LGSN: variants seen among roughly 807,000 people sequenced by gnomAD.
The protein encoded by LGSN is lengsin.
LGSN carries 21 observed loss-of-function variants against 19.5 expected under a neutral mutation model. The observed-to-expected ratio is 1.07, with a 90% CI of 0.76 to 1.55. The LOEUF is 1.55. Among genes scored for constraint, LGSN ranks in the 40% most tolerant of loss-of-function variants. The pLI is 0.00. For synonymous variants in LGSN, 257 were observed against 215.6 expected (o/e 1.19, Z -1.68); for missense variants, 673 against 608.5 (o/e 1.11, Z -1.12).
At chr6:63,478,686 C>T in the LGSN span, among the ~76,000 whole-genome samples, 1 of 152,168 alleles carries the variant, frequency 6.6e-6, no homozygotes, top group South Asian at 2.1e-4. Flanking sequence ...TCATCCTACT[C>T]TAAAGATTCA....
At chr6:63,333,549 AAAAG>A in the LGSN span, among the ~76,000 whole-genome samples, 23 of 146,430 alleles carry the variant, frequency 1.6e-4, no homozygotes, top group Non-Finnish European at 2.4e-4. Context: ...GAAAGAAAGA[AAAAG>A]AAAGGAAGGA....
At chr6:63,322,044 A>C (rs1204964810), upstream of LGSN, among the ~76,000 whole-genome samples, 2 of 152,230 alleles carry the variant, frequency 1.3e-5, no homozygotes, top group African/African-American at 4.8e-5. Context: ...TTTCATGAGA[A>C]CAGATTGCAG....
the LGSN span, among the ~76,000 whole-genome samples, chr6:63,383,280 T>A: frequency 6.6e-6 from 1 of 151,816 alleles, no homozygotes; most frequent in African/African-American, 2.4e-5. Context: ...GATTTTTTTT[T>A]TAAAACTTTC....
At chr6:63,415,801 A>G in the LGSN span, among the ~76,000 whole-genome samples, 10 of 152,120 alleles carry the variant, frequency 6.6e-5, no homozygotes, top group African/African-American at 2.2e-4. Flanking sequence ...TTGTTGATGC[A>G]TTTTACTTTG....
the LGSN span, among the ~76,000 whole-genome samples, chr6:63,358,234 A>T: frequency 5.1e-4 from 78 of 152,328 alleles, 1 homozygote; most frequent in East Asian, 7.5e-3. Context: ...TGGTTACTGT[A>T]GCCTTGTAGT....
chr6:63,357,908 A>G, the LGSN span, among the ~76,000 whole-genome samples: 1 of 152,070 alleles, frequency 6.6e-6, no homozygotes, highest in Non-Finnish European at 1.5e-5. Flanking sequence ...GTCCTTGCCC[A>G]TGCCTATGTC....
chr6:63,510,244 A>T, the LGSN span, among the ~76,000 whole-genome samples: 1 of 152,120 alleles, frequency 6.6e-6, no homozygotes, highest in Non-Finnish European at 1.5e-5. Flanking sequence ...AACTGCTCTA[A>T]ATCATGCTTG....
chr6:63,388,979 G>A, the LGSN span, among the ~76,000 whole-genome samples: 178 of 152,282 alleles, frequency 1.2e-3, 2 homozygotes, highest in Non-Finnish European at 2.4e-3. Context: ...TGCACAGAAA[G>A]TAGTAACTCC....
intron 1 of LGSN, among the ~76,000 whole-genome samples, chr6:63,297,143 C>A (rs970628199): frequency 1.3e-5 from 2 of 151,938 alleles, no homozygotes; most frequent in South Asian, 4.2e-4. Context: ...AGATCGAGAC[C>A]AGCCTGGTCA....
the LGSN span, among the ~76,000 whole-genome samples, chr6:63,452,920 G>A: frequency 6.7e-6 from 1 of 150,228 alleles, no homozygotes; most frequent in African/African-American, 2.5e-5. Context: ...TTGAATATAT[G>A]CATTTAATGT....
the LGSN span, among the ~76,000 whole-genome samples, chr6:63,526,638 T>C: frequency 6.6e-6 from 1 of 151,418 alleles, no homozygotes; most frequent in Non-Finnish European, 1.5e-5. Flanking sequence ...TGAAACCCTG[T>C]CTCTACTAAA....
At chr6:63,444,448 T>C in the LGSN span, among the ~76,000 whole-genome samples, 1 of 152,178 alleles carries the variant, frequency 6.6e-6, no homozygotes, top group Non-Finnish European at 1.5e-5. Flanking sequence ...ACACAAGTGG[T>C]TGTAATTTCT....
chr6:63,285,268 A>G (rs1177498844), intron 3 of LGSN, among the ~76,000 whole-genome samples: 1 of 152,168 alleles, frequency 6.6e-6, no homozygotes, highest in Admixed American at 6.6e-5. Context: ...AATAAAATAT[A>G]ATCTTCATAA....
chr6:63,286,141 G>T (rs1396626452), intron 2 of LGSN, among the ~76,000 whole-genome samples: 1 of 152,140 alleles, frequency 6.6e-6, no homozygotes, highest in African/African-American at 2.4e-5. Flanking sequence ...ACATATTTGG[G>T]CTTCTTGAAC....
At chr6:63,342,237 C>T in the LGSN span, among the ~76,000 whole-genome samples, 3 of 152,192 alleles carry the variant, frequency 2.0e-5, no homozygotes, top group African/African-American at 7.2e-5. Context: ...AATGTCTTTA[C>T]AATTTCATTT....
At chr6:63,390,437 C>T in the LGSN span, among the ~76,000 whole-genome samples, 1 of 151,782 alleles carries the variant, frequency 6.6e-6, no homozygotes, top group Non-Finnish European at 1.5e-5. Flanking sequence ...CCGGATTCCA[C>T]AAATTTTGAT....
the LGSN span, among the ~76,000 whole-genome samples, chr6:63,412,706 A>AG: frequency 9.0e-5 from 10 of 110,958 alleles, 1 homozygote; most frequent in African/African-American, 4.5e-4. Flanking sequence ...AAAGAAAGAA[A>AG]GAGGGAAGGA....
chr6:63,565,855 A>C, the LGSN span, among the ~76,000 whole-genome samples: 1 of 152,374 alleles, frequency 6.6e-6, no homozygotes, highest in African/African-American at 2.4e-5. Context: ...AAGGAAGAAA[A>C]TTAAGTCACT....
the LGSN span, among the ~76,000 whole-genome samples, chr6:63,420,130 G>C: frequency 2.0e-5 from 3 of 151,262 alleles, no homozygotes; most frequent in Non-Finnish European, 2.9e-5. Context: ...GTGAACTCGG[G>C]AGGCGGAGCT....
Sources: gnomAD v4.1 joint callset for allele counts (sites outside exome capture counted in the v4.1 genomes callset) on GRCh38, gnomAD v4.1.1 for gene constraint, MANE v1.5 for transcripts, NCBI Gene and HGNC (gene_info 2026-07-23, HGNC 2026-07-21) for gene names.